Variants in REXO5 observed in about 807,000 individuals in gnomAD.
REXO5 encodes exonuclease NEF-sp.
A neutral mutation model predicts 88.5 loss-of-function variants in REXO5; 48 were observed. The observed-to-expected ratio is 0.54, with a 90% CI of 0.43 to 0.69. The LOEUF is 0.69. Ranked by LOEUF, REXO5 falls within the 30% of genes least tolerant of loss-of-function variation. REXO5 has a pLI of 0.00. For missense variants in REXO5, 749 were observed against 912.2 expected, an observed-to-expected ratio of 0.82 and a Z score of 2.30; for synonymous variants, 311 against 336.5, an observed-to-expected ratio of 0.92 and a Z score of 0.83.
intron 15 of REXO5, among the ~76,000 whole-genome samples, chr16:20,841,706 A>G (rs1257736131): frequency 6.6e-6 from 1 of 152,146 alleles, no homozygotes; most frequent in Non-Finnish European, 1.5e-5. Context: ...CCCAGTTCAA[A>G]TGATTTCTCA....
At chr16:20,806,753 G>A in intron 1 of REXO5, 48 bp downstream of exon 1, 1 of 1,018,020 alleles carries the variant, frequency 9.8e-7, no homozygotes, top group Non-Finnish European at 1.4e-6. Context: ...CGGCGCGGGT[G>A]TCCAGTCCGC....
In REXO5 at chr16:20,844,640, T is replaced by C; in HGVS notation, c.1731T>C (p.Pro577=). Residue 577 remains proline, a synonymous_variant, in exon 17 of 20, where the codon CCT becomes CCC. Coordinates refer to ENST00000261377, the MANE Select transcript of REXO5 (RefSeq NM_030941.3). ...VDGICIKVQR[P]VTELTLDCDT... ...CTTTCCTTGGTTAGGTGCAGAGGCC[T>C]GTGACAGAGCTCACGCTTGATTGTG... The C allele has an allele frequency of 6.2e-7, 1 of 1,614,174 alleles. No individual in the cohort carries two copies. Among genetic ancestry groups the C allele is most frequent in the Non-Finnish European group, 8.5e-7 (1 of 1,180,018 alleles).
chr16:20,839,991 T>C (rs377086458), intron 14 of REXO5, 132 bp downstream of exon 14: 2 of 624,240 alleles, frequency 3.2e-6, no homozygotes, highest in African/African-American at 3.7e-5. Flanking sequence ...CATATTAACA[T>C]TTAAAAATAT....
intron 2 of REXO5, among the ~76,000 whole-genome samples, chr16:20,809,427 TTTAA>T (rs1252559315): frequency 6.6e-6 from 1 of 152,244 alleles, no homozygotes; most frequent in Non-Finnish European, 1.5e-5. Flanking sequence ...TTGTGTTAAA[TTTAA>T]TTGTCATGTC....
rs142000603 is a variant in REXO5 at position 20,845,219 on chromosome 16, C to G, written c.2102C>G (p.Pro701Arg). Reference protein sequence around the residue: ...RLPGLRVVPPPFEQEALQTLK... With the variant: ...RLPGLRVVPPRFEQEALQTLK... The stretch of plus-strand genomic sequence containing the variant: ...CCAGGGCTTCGTGTTGTACCTCCCC[C>G]CTTTGAACAGGAGGCCTTGCAGGTG... Residue 701 changes from proline (P) to arginine (R), a missense_variant, in exon 18 of 20, where the codon CCC becomes CGC. Transcript: ENST00000261377. The G allele has an allele frequency of 1.6e-4, 251 of 1,613,116 alleles. 1 individual carries two copies. The highest frequency in any genetic ancestry group is 1.0e-3 in the Admixed American group (62 of 59,928).
Position 20,814,916 on chromosome 16 carries a change from T to G in REXO5, c.252-11T>G, listed in dbSNP as rs1000334380. On this transcript the variant is annotated splice_polypyrimidine_tract_variant and intron_variant, in intron 3 of 19. Coordinates refer to ENST00000261377, the MANE Select transcript of REXO5 (RefSeq NM_030941.3). The stretch of plus-strand genomic sequence containing the variant: ...ATCTGTCTTAACTGTGTTGGTTTGA[T>G]TTCTTGGCAGCTGGTGCCAGCTTTT... 1.8e-5 allele frequency: 29 copies of G among 1,610,386 alleles called. No homozygotes were observed. Among genetic ancestry groups the G allele is most frequent in the Non-Finnish European group, 2.5e-5 (29 of 1,178,562 alleles).
chr16:20,828,441 T>C lies in REXO5; in HGVS notation c.1062T>C (p.Asp354=), dbSNP rs1371463011. 5 of 1,609,260 alleles carry C rather than the reference T, an allele frequency of 3.1e-6. No homozygotes were observed. The highest frequency in any genetic ancestry group is 1.7e-4 in the Middle Eastern group (1 of 6,052). The change falls in exon 11 of 20, where the codon GAT becomes GAC. Residue 354 remains aspartate (D), a synonymous_variant. Coordinates refer to ENST00000261377, the MANE Select transcript of REXO5 (RefSeq NM_030941.3). ...KFLAKVILGK[D]IQCPDRLGHD... ...TTTTATATTGACTTTCCAGGAAGGATATACAGTGTCCAGACAGACTTGGTC... is the reference window on the plus strand; with the variant it reads ...TTTTATATTGACTTTCCAGGAAGGACATACAGTGTCCAGACAGACTTGGTC...
intron 2 of REXO5, among the ~76,000 whole-genome samples, chr16:20,807,763 CA>C (rs199925689): frequency 1.7e-4 from 24 of 145,254 alleles, no homozygotes; most frequent in Non-Finnish European, 3.2e-4. Context: ...AAAAACAAAA[CA>C]AAAAAAAAAC....
chr16:20,842,853 A>G (rs2152512231), intron 15 of REXO5, among the ~76,000 whole-genome samples: 1 of 152,326 alleles, frequency 6.6e-6, no homozygotes, highest in East Asian at 1.9e-4. Context: ...TTCTGGGTGT[A>G]TACCCAGAAG....
rs1257085228 is a variant in REXO5, at chr16:20,820,535, TATATATATA to T, written c.476-1226_476-1218del. ...CTTTATATATATATATATATATATA[TATATATATA>T]TTTTTTTTTTTTTTTTTTTTTTTTT... is the stretch of plus-strand genomic sequence containing the variant. On this transcript the variant is annotated intron_variant, in intron 5 of 19. Transcript: ENST00000261377. Among the ~76,000 whole-genome samples the T allele has an allele frequency of 7.6e-3, 103 of 13,480 alleles. 1 individual carries two copies. The highest frequency in any genetic ancestry group is 0.024 in the South Asian group (7 of 290). 8.8% of individuals were successfully genotyped at this position (13,480 alleles called of 152,430 possible).
chr16:20,812,837 G>A (rs2081020826), intron 2 of REXO5, among the ~76,000 whole-genome samples: 1 of 152,134 alleles, frequency 6.6e-6, no homozygotes, highest in Admixed American at 6.6e-5. Context: ...TAGACTCCTT[G>A]TTCTCATAGC....
chr16:20,827,726 A>G (rs565685837), intron 10 of REXO5, among the ~76,000 whole-genome samples: 5 of 152,272 alleles, frequency 3.3e-5, no homozygotes, highest in Non-Finnish European at 7.3e-5. Context: ...AGGTAGTATA[A>G]CATACTTATA....
Position 20,827,455 on chromosome 16 carries a change from T to G in REXO5, c.1055+8T>G, listed in dbSNP as rs1434980595. The G allele has an allele frequency of 6.3e-7, 1 of 1,593,524 alleles. No individual in the cohort carries two copies. On this transcript the variant is annotated splice_region_variant and intron_variant, in intron 10 of 19. Coordinates refer to ENST00000261377, the MANE Select transcript of REXO5 (RefSeq NM_030941.3). Reference sequence around the variant, plus strand: ...AGCCAAAGTTATTTTGGGGTAGGTTTGCTTATATGCTGTAATATTGTTCTG... The same window carrying G: ...AGCCAAAGTTATTTTGGGGTAGGTTGGCTTATATGCTGTAATATTGTTCTG...
intron 2 of REXO5, among the ~76,000 whole-genome samples, chr16:20,808,155 C>A (rs78464167): frequency 6.6e-6 from 1 of 152,290 alleles, no homozygotes; most frequent in East Asian, 1.9e-4. Context: ...AACCATCCCC[C>A]CAGCCCTTCT....
At chr16:20,806,509 C>T (rs2080877411), upstream of REXO5, 1 of 1,542,806 alleles carries the variant, frequency 6.5e-7, no homozygotes, top group Non-Finnish European at 8.7e-7. Flanking sequence ...AAAAAGCCCG[C>T]GAGGCTGAGG....
chr16:20,813,529 A>G (rs574401046), intron 3 of REXO5, among the ~76,000 whole-genome samples: 1 of 152,222 alleles, frequency 6.6e-6, no homozygotes, highest in Non-Finnish European at 1.5e-5. Flanking sequence ...AAACTCAAAG[A>G]TGGCAGCTAT....
In REXO5 at chr16:20,827,368, G is replaced by A; in HGVS notation, c.976G>A (p.Val326Ile). 6.2e-7 allele frequency: 1 copy of A among 1,612,834 alleles called. No individual in the cohort carries two copies. The highest frequency in any genetic ancestry group is 8.5e-7 in the Non-Finnish European group (1 of 1,179,190). ...TCTTCCTCAGATGATACATCCATAT[G>A]TTATTGATACATCGTTGCTTTATGT... ...LRALKMIHPYVIDTSLLYVRE... is the reference protein window; with the variant it reads ...LRALKMIHPYIIDTSLLYVRE... The change falls in exon 10 of 20, where the codon GTT becomes ATT. Residue 326 changes from valine (V) to isoleucine (I), a missense_variant. Transcript: ENST00000261377.
chr16:20,836,596 G>A (rs1013682228), intron 13 of REXO5, among the ~76,000 whole-genome samples: 1 of 152,168 alleles, frequency 6.6e-6, no homozygotes, highest in African/African-American at 2.4e-5. Context: ...ATGTCTGTGT[G>A]CAGGTTTTCA....
At chr16:20,841,980 A>C (rs2081534859) in intron 15 of REXO5, among the ~76,000 whole-genome samples, 1 of 152,232 alleles carries the variant, frequency 6.6e-6, no homozygotes. Context: ...GGGGATGAGA[A>C]GTGTATAGCA....
Sources: gnomAD v4.1 joint callset for allele counts (sites outside exome capture counted in the v4.1 genomes callset) on GRCh38, gnomAD v4.1.1 for gene constraint, MANE v1.5 for transcripts, NCBI Gene and HGNC (gene_info 2026-07-23, HGNC 2026-07-21) for gene names.